The following PRR16 variants were observed in gnomAD, a reference collection of about 807,000 sequenced individuals.
PRR16 encodes protein Largen.
In PRR16, 6 loss-of-function variants were observed where a neutral mutation model predicts 18.2. The observed-to-expected ratio is 0.33, with a 90% CI of 0.18 to 0.65. PRR16 has a LOEUF of 0.65. PRR16 is among the 30% of genes least tolerant of loss of function. The pLI is 0.74. For synonymous variants in PRR16, 151 were observed against 147.8 expected, an observed-to-expected ratio of 1.02 and a Z score of -0.16; for missense variants, 412 against 376.6, an observed-to-expected ratio of 1.09 and a Z score of -0.78.
At chr5:120,628,688 AT>A (rs1489747507) in intron 1 of PRR16, among the ~76,000 whole-genome samples, 109 of 143,654 alleles carry the variant, frequency 7.6e-4, no homozygotes, top group South Asian at 2.3e-3. Context: ...TCTATCTATC[AT>A]TCTACCATCT....
At chr5:120,479,093 G>T (rs952371022) in intron 1 of PRR16, among the ~76,000 whole-genome samples, 2 of 151,332 alleles carry the variant, frequency 1.3e-5, no homozygotes, top group East Asian at 1.9e-4. Flanking sequence ...CAAAAATATG[G>T]GTACTTATAA....
chr5:120,583,261 A>G (rs749664774), intron 1 of PRR16, among the ~76,000 whole-genome samples: 1 of 152,104 alleles, frequency 6.6e-6, no homozygotes, highest in Non-Finnish European at 1.5e-5. Flanking sequence ...CATAGATTTC[A>G]CATTTCACTG....
At chr5:120,488,230 C>T (rs1412994441) in intron 1 of PRR16, among the ~76,000 whole-genome samples, 10 of 152,246 alleles carry the variant, frequency 6.6e-5, no homozygotes, top group East Asian at 1.9e-4. Flanking sequence ...ATGGTACCAG[C>T]TCCTCCTTGT....
At chr5:120,737,647 T>A in the PRR16 span, among the ~76,000 whole-genome samples, 307 of 151,914 alleles carry the variant, frequency 2.0e-3, no homozygotes, top group Non-Finnish European at 3.8e-3. Context: ...TTCTTTCTTT[T>A]TTTTTTTGGA....
At chr5:120,760,029 C>CT in the PRR16 span, among the ~76,000 whole-genome samples, 1 of 152,080 alleles carries the variant, frequency 6.6e-6, no homozygotes, top group Admixed American at 6.6e-5. Flanking sequence ...ACTAGAGTCT[C>CT]TAAGTCTAAA....
intron 1 of PRR16, among the ~76,000 whole-genome samples, chr5:120,639,137 T>G (rs547919121): frequency 6.6e-6 from 1 of 152,130 alleles, no homozygotes; most frequent in African/African-American, 2.4e-5. Context: ...TTTTTGTTGC[T>G]TAGTCATCTT....
At chr5:120,697,539 T>C in the PRR16 span, among the ~76,000 whole-genome samples, 9 of 151,988 alleles carry the variant, frequency 5.9e-5, no homozygotes, top group Non-Finnish European at 1.3e-4. Flanking sequence ...GTTCAGCATT[T>C]ACATTTTCAT....
In PRR16 at chr5:120,686,944, T is replaced by C. The variant is rs573322899; in HGVS notation, c.*235T>C. The C allele has an allele frequency of 1.5e-5, 5 of 336,898 alleles. No individual in the cohort carries two copies. Among genetic ancestry groups the C allele is most frequent in the African/African-American group, 6.3e-5 (3 of 47,310 alleles). The allele number at this position is 336,898 out of a possible 1,614,324, so 20.9% of individuals were successfully genotyped here. ...AATGATGAAAAATATGAATGATGCA[T>C]TGTTTTTGCAATTGACCTATGACAA... is the stretch of plus-strand genomic sequence containing the variant. On this transcript the variant is annotated 3_prime_UTR_variant, in exon 2 of 2. Transcript: ENST00000407149.
chr5:120,597,105 A>C (rs1283678681), intron 1 of PRR16, among the ~76,000 whole-genome samples: 1 of 151,646 alleles, frequency 6.6e-6, no homozygotes, highest in African/African-American at 2.4e-5. Flanking sequence ...GCCATTCAGT[A>C]ATTTTTTTGC....
intron 1 of PRR16, among the ~76,000 whole-genome samples, chr5:120,555,601 G>A (rs1752383094): frequency 6.6e-6 from 1 of 151,720 alleles, no homozygotes; most frequent in Admixed American, 6.6e-5. Flanking sequence ...GAAGGAGGGG[G>A]CCGTATCACA....
chr5:120,776,148 A>T, the PRR16 span, among the ~76,000 whole-genome samples: 1 of 152,014 alleles, frequency 6.6e-6, no homozygotes, highest in Non-Finnish European at 1.5e-5. Flanking sequence ...ATTTCTCGTC[A>T]TCATTGGATA....
chr5:120,667,312 A>G (rs1756421735), intron 1 of PRR16, among the ~76,000 whole-genome samples: 1 of 147,948 alleles, frequency 6.8e-6, no homozygotes, highest in Non-Finnish European at 1.5e-5. Flanking sequence ...CCCCTTTATC[A>G]TTTTTTATTG....
At chr5:120,669,380 C>T (rs778937143) in intron 1 of PRR16, among the ~76,000 whole-genome samples, 1 of 152,056 alleles carries the variant, frequency 6.6e-6, no homozygotes, top group East Asian at 1.9e-4. Context: ...TTTGCCAACT[C>T]TACTTTGTCA....
chr5:120,712,399 T>C, the PRR16 span, among the ~76,000 whole-genome samples: 1 of 152,168 alleles, frequency 6.6e-6, no homozygotes, highest in Non-Finnish European at 1.5e-5. Context: ...TCTTTCCCAC[T>C]GTTGTACTGT....
intron 1 of PRR16, among the ~76,000 whole-genome samples, chr5:120,493,539 C>G (rs1232978764): frequency 2.6e-5 from 4 of 152,036 alleles, no homozygotes; most frequent in Non-Finnish European, 5.9e-5. Context: ...TTTCTCTTTA[C>G]CCAATTTCCT....
the PRR16 span, among the ~76,000 whole-genome samples, chr5:120,693,869 A>C: frequency 6.6e-6 from 1 of 152,168 alleles, no homozygotes; most frequent in Non-Finnish European, 1.5e-5. Flanking sequence ...ACCCCTGCTT[A>C]ATTTTATCTA....
chr5:120,780,969 G>C, the PRR16 span, among the ~76,000 whole-genome samples: 397 of 152,282 alleles, frequency 2.6e-3, 4 homozygotes, highest in African/African-American at 8.9e-3. Context: ...AGAATTCCTT[G>C]AACTTGGGAG....
chr5:120,615,545 T>A (rs980006520), intron 1 of PRR16, among the ~76,000 whole-genome samples: 2 of 152,016 alleles, frequency 1.3e-5, no homozygotes, highest in African/African-American at 2.4e-5. Context: ...CTAATTTTTT[T>A]AATAATGTCA....
intron 1 of PRR16, among the ~76,000 whole-genome samples, chr5:120,472,745 T>C (rs914645019): frequency 2.6e-5 from 4 of 152,148 alleles, no homozygotes; most frequent in African/African-American, 9.7e-5. Context: ...GAGTGGCATA[T>C]CAACAGTTTC....
Sources: gnomAD v4.1 joint callset for allele counts (sites outside exome capture counted in the v4.1 genomes callset) on GRCh38, gnomAD v4.1.1 for gene constraint, MANE v1.5 for transcripts, NCBI Gene and HGNC (gene_info 2026-07-23, HGNC 2026-07-21) for gene names.